The following DCLK2 variants were observed in gnomAD, a reference collection of about 807,000 sequenced individuals.
The protein encoded by DCLK2 is doublecortin like kinase 2.
DCLK2 carries 31 observed loss-of-function variants against 78.4 expected under a neutral mutation model. The observed-to-expected ratio is 0.40, with a 90% confidence interval of 0.30 to 0.53. The LOEUF is 0.53. DCLK2 is among the 20% of genes least tolerant of loss of function. The probability of loss-of-function intolerance (pLI) is 0.61; values close to 1 mark genes in which losing one functional copy is unlikely to be tolerated. For missense variants in DCLK2, 872 were observed against 973.7 expected (o/e 0.90, Z 1.39); for synonymous variants, 407 against 374.9 (o/e 1.09, Z -0.99).
intron 10 of DCLK2, among the ~76,000 whole-genome samples, chr4:150,234,565 G>A (rs1021936118): frequency 1.1e-4 from 16 of 151,990 alleles, no homozygotes; most frequent in Non-Finnish European, 2.2e-4. Context: ...GCCATCCTGG[G>A]GACTTTTTAT....
intron 5 of DCLK2, among the ~76,000 whole-genome samples, chr4:150,217,470 A>G (rs998803776): frequency 6.6e-6 from 1 of 152,240 alleles, no homozygotes; most frequent in South Asian, 2.1e-4. Flanking sequence ...TTTGTGCTGT[A>G]GCAAAATGGC....
rs1463486535 is a variant in DCLK2 at position 150,078,952 on chromosome 4, A to G, written c.-76A>G. The stretch of plus-strand genomic sequence containing the variant: ...CGGCGCGTTAAGGGCCCTCGCAGTC[A>G]GACGTCCCTGCACCGGCGCTCGCAC... On this transcript the variant is annotated 5_prime_UTR_variant, in exon 1 of 16. Transcript: ENST00000296550. 6 of 1,428,060 alleles carry G rather than the reference A, an allele frequency of 4.2e-6. No homozygotes were observed. The African/African-American group carries it at 7.4e-5, about 18-fold the overall frequency. 88.5% of individuals were successfully genotyped at this position (1,428,060 alleles called of 1,614,324 possible).
intron 2 of DCLK2, among the ~76,000 whole-genome samples, chr4:150,152,073 A>T (rs760244015): frequency 2.6e-5 from 4 of 152,242 alleles, no homozygotes; most frequent in Non-Finnish European, 5.9e-5. Context: ...ATGAAATCAC[A>T]TGTGTTCACC....
chr4:150,109,894 G>A (rs1468809327), intron 2 of DCLK2, among the ~76,000 whole-genome samples: 1 of 152,154 alleles, frequency 6.6e-6, no homozygotes, highest in African/African-American at 2.4e-5. Flanking sequence ...AAAACAAAAG[G>A]TGGAGGGAGG....
chr4:150,111,731 A>C (rs940626666), intron 2 of DCLK2, among the ~76,000 whole-genome samples: 10 of 152,024 alleles, frequency 6.6e-5, no homozygotes, highest in African/African-American at 2.2e-4. Context: ...ACTTACTGAA[A>C]AGGGTTTCCT....
chr4:150,111,977 G>A (rs1374437349), intron 2 of DCLK2, among the ~76,000 whole-genome samples: 1 of 151,864 alleles, frequency 6.6e-6, no homozygotes, highest in Non-Finnish European at 1.5e-5. Flanking sequence ...ATGAATTTTA[G>A]GATTCTTTTT....
chr4:150,103,266 A>G (rs1731012833), intron 2 of DCLK2, among the ~76,000 whole-genome samples: 1 of 152,212 alleles, frequency 6.6e-6, no homozygotes, highest in Non-Finnish European at 1.5e-5. Flanking sequence ...GGGAAAATGT[A>G]TTTCAAAAGA....
chr4:150,117,299 TC>T (rs1732168003), intron 2 of DCLK2, among the ~76,000 whole-genome samples: 1 of 152,156 alleles, frequency 6.6e-6, no homozygotes, highest in Non-Finnish European at 1.5e-5. Flanking sequence ...TAGGCAGTGT[TC>T]CACTAGCAGC....
chr4:150,129,312 T>C (rs567990524), intron 2 of DCLK2, among the ~76,000 whole-genome samples: 13 of 152,230 alleles, frequency 8.5e-5, no homozygotes, highest in Admixed American at 3.3e-4. Context: ...GTCATGACAG[T>C]CTTATGACAG....
At chr4:150,087,284 A>G (rs959100690) in intron 1 of DCLK2, among the ~76,000 whole-genome samples, 1 of 152,244 alleles carries the variant, frequency 6.6e-6, no homozygotes, top group Non-Finnish European at 1.5e-5. Flanking sequence ...ATAATCTGCA[A>G]TTTTGACCTA....
rs1304280122 is a variant in DCLK2 at position 150,247,721 on chromosome 4, G to A, written c.1875+22G>A. ...CAAGGTACCCTCCAGGCCTGTTTCT[G>A]TGGGTTGTATTACGTTGTGGGGTCC... On this transcript the variant is annotated intron_variant, in intron 13 of 15. Coordinates refer to ENST00000296550, the MANE Select transcript of DCLK2 (RefSeq NM_001040260.4). 5 of 1,603,342 alleles carry A rather than the reference G, an allele frequency of 3.1e-6. No homozygotes were observed. The African/African-American group carries it at 6.7e-5, about 21-fold the overall frequency.
chr4:150,142,713 G>T lies in DCLK2; in HGVS notation c.756+39901G>T, dbSNP rs192892011. ...CCGAGACTCTGTTTAACAAACACGA[G>T]AATCCCTAGGATGTGGTTTGTACCT... On this transcript the variant is annotated intron_variant, in intron 2 of 15. Transcript: ENST00000296550. Among the ~76,000 whole-genome samples the T allele has an allele frequency of 9.0e-3, 1,372 of 152,156 alleles. 84 individuals are homozygous for T. Among genetic ancestry groups the T allele is most frequent in the East Asian group, 4.6e-3 (24 of 5,176 alleles).
intron 1 of DCLK2, among the ~76,000 whole-genome samples, chr4:150,087,888 G>A (rs1729756800): frequency 1.3e-5 from 2 of 152,158 alleles, no homozygotes; most frequent in African/African-American, 2.4e-5. Flanking sequence ...GGCTTTGGGG[G>A]AAAAGAGTTT....
chr4:150,173,306 C>G (rs1023446552), intron 2 of DCLK2, among the ~76,000 whole-genome samples: 1 of 152,146 alleles, frequency 6.6e-6, no homozygotes, highest in Non-Finnish European at 1.5e-5. Flanking sequence ...AGGATAGTCT[C>G]TGACTTTTGG....
At chr4:150,087,213 C>T (rs1303860105) in intron 1 of DCLK2, among the ~76,000 whole-genome samples, 2 of 152,270 alleles carry the variant, frequency 1.3e-5, no homozygotes, top group East Asian at 1.9e-4. Context: ...TTGGTGAGGT[C>T]GCCCTAAGTA....
intron 12 of DCLK2, among the ~76,000 whole-genome samples, chr4:150,247,253 G>A (rs1177917206): frequency 6.6e-6 from 1 of 152,058 alleles, no homozygotes; most frequent in African/African-American, 2.4e-5. Flanking sequence ...CCATTTTTAA[G>A]CGTACAGTTC....
intron 1 of DCLK2, among the ~76,000 whole-genome samples, chr4:150,097,202 C>T (rs1169870941): frequency 2.0e-5 from 3 of 149,712 alleles, no homozygotes; most frequent in East Asian, 2.0e-4. Flanking sequence ...GACAGAGTCC[C>T]GCCCACTCTG....
intron 2 of DCLK2, among the ~76,000 whole-genome samples, chr4:150,138,713 G>C (rs1295928964): frequency 5.9e-5 from 9 of 152,068 alleles, no homozygotes; most frequent in African/African-American, 1.2e-4. Flanking sequence ...GTCACCCAGG[G>C]TGGAGTGCAG....
intron 2 of DCLK2, among the ~76,000 whole-genome samples, chr4:150,118,837 C>T (rs915680135): frequency 1.3e-5 from 2 of 151,902 alleles, no homozygotes; most frequent in African/African-American, 4.8e-5. Context: ...ACCAGCCTGG[C>T]CAACATGGGA....
Sources: gnomAD v4.1 joint callset for allele counts (sites outside exome capture counted in the v4.1 genomes callset) on GRCh38, gnomAD v4.1.1 for gene constraint, MANE v1.5 for transcripts, NCBI Gene and HGNC (gene_info 2026-07-23, HGNC 2026-07-21) for gene names.